Variants in HYAL4 observed in about 807,000 individuals in gnomAD.
The protein encoded by HYAL4 is hyaluronidase 4.
A neutral mutation model predicts 35.2 loss-of-function variants in HYAL4; 37 were observed. That is an observed-to-expected ratio of 1.05 (90% confidence interval 0.81 to 1.38). HYAL4 has a LOEUF of 1.38. Among genes scored for constraint, HYAL4 ranks in the 40% most tolerant of loss-of-function variants. The pLI, the probability that HYAL4 is intolerant of heterozygous loss-of-function variation, is 0.00. For synonymous variants in HYAL4, 198 were observed against 203.2 expected (o/e 0.97, Z 0.22); for missense variants, 572 against 572.4 (o/e 1.00, Z 0.01).
the HYAL4 span, among the ~76,000 whole-genome samples, chr7:123,796,327 A>G: frequency 1.1e-4 from 17 of 152,212 alleles, no homozygotes; most frequent in Non-Finnish European, 1.6e-4. Flanking sequence ...CAAAATCTTT[A>G]AAGAAGAGAA....
In HYAL4 at chr7:123,869,232, G is replaced by A. The variant is rs781016681; in HGVS notation, c.954+5G>A. 4 of 1,556,970 alleles carry A rather than the reference G, an allele frequency of 2.6e-6. No individual in the cohort carries two copies. In the South Asian group the frequency reaches 4.7e-5, roughly 18 times the overall value. On this transcript the variant is annotated splice_donor_5th_base_variant and intron_variant, in intron 3 of 4. Transcript: ENST00000223026. ...CCTTTATTTTTCCTTTCTAAGGTAAGAAGCTTCTTGTCCAATGGTGGGGGA... is the reference window on the plus strand; with the variant it reads ...CCTTTATTTTTCCTTTCTAAGGTAAAAAGCTTCTTGTCCAATGGTGGGGGA...
At chr7:123,847,778 AAAT>A (rs1000886829) in intron 1 of HYAL4, among the ~76,000 whole-genome samples, 1 of 152,054 alleles carries the variant, frequency 6.6e-6, no homozygotes, top group Non-Finnish European at 1.5e-5. Context: ...ACTCCGTCTA[AAAT>A]AATAATAATA....
At chr7:123,783,488 G>T in the HYAL4 span, among the ~76,000 whole-genome samples, 1 of 152,092 alleles carries the variant, frequency 6.6e-6, no homozygotes, top group Non-Finnish European at 1.5e-5. Flanking sequence ...CATAGAGAAG[G>T]AATTACTCAG....
At position 123,876,866 on chromosome 7, in the gene HYAL4, G is replaced by A. The variant is rs1307957107; in HGVS notation, c.1157G>A (p.Arg386Lys). 2 of 1,614,080 alleles carry A rather than the reference G, an allele frequency of 1.2e-6. No homozygotes were observed. ...CTTCACCTCTGCAGGAACAATGGCA[G>A]GTGCATAAGGAAGATGTGGAACGCG... ...CSLHLCRNNG[R>K]CIRKMWNAPS... The change falls in exon 5 of 5, where the codon AGG becomes AAG. Residue 386 changes from arginine to lysine, a missense_variant. Transcript: ENST00000223026.
At chr7:123,783,913 C>T in the HYAL4 span, among the ~76,000 whole-genome samples, 4 of 152,158 alleles carry the variant, frequency 2.6e-5, no homozygotes, top group African/African-American at 9.7e-5. Flanking sequence ...TAAGTTACCA[C>T]CACATAAAAT....
intron 1 of HYAL4, among the ~76,000 whole-genome samples, chr7:123,831,643 T>G (rs1805884501): frequency 6.6e-6 from 1 of 152,202 alleles, no homozygotes; most frequent in African/African-American, 2.4e-5. Context: ...CTGTATCAAA[T>G]GTTTTGTGAT....
intron 2 of HYAL4, among the ~76,000 whole-genome samples, chr7:123,866,036 G>A (rs969194001): frequency 1.1e-4 from 17 of 152,104 alleles, no homozygotes; most frequent in Middle Eastern, 3.2e-3. Context: ...GGGAAATCTC[G>A]CCCTTGTGAT....
chr7:123,875,910 A>G, intron 4 of HYAL4: 1 of 404,020 alleles, frequency 2.5e-6, no homozygotes, highest in South Asian at 1.8e-5. Flanking sequence ...TATTATTCTC[A>G]GAATTTCACA....
chr7:123,788,545 G>C, the HYAL4 span, among the ~76,000 whole-genome samples: 217 of 152,210 alleles, frequency 1.4e-3, 1 homozygote, highest in Non-Finnish European at 2.6e-3. Flanking sequence ...CCCCTGAGAA[G>C]TCATTCTATC....
At chr7:123,874,989 C>A (rs925447865) in intron 4 of HYAL4, 139 bp downstream of exon 4, 1 of 603,766 alleles carries the variant, frequency 1.7e-6, no homozygotes, top group South Asian at 2.0e-5. Context: ...ATAGCAAAGG[C>A]TAAAAAATAT....
At position 123,877,233 on chromosome 7, in the gene HYAL4, T is replaced by C. The variant is rs1807053885; in HGVS notation, c.*78T>C. 2.9e-6 allele frequency: 4 copies of C among 1,369,076 alleles called. No homozygotes were observed. Among genetic ancestry groups the C allele is most frequent in the East Asian group, 4.6e-5 (2 of 43,386 alleles). The allele number at this position is 1,369,076 out of a possible 1,614,324, so 84.8% of individuals were successfully genotyped here. A position where few individuals can be genotyped will look rare whatever the true frequency, so the allele number is the denominator to read the frequency against. The stretch of plus-strand genomic sequence containing the variant: ...AGGATGTAACTTATAACATTTTTTT[T>C]CTCTTATGAATTCTATTGAGAGATA... On this transcript the variant is annotated 3_prime_UTR_variant, in exon 5 of 5. Transcript: ENST00000223026.
chr7:123,851,446 T>C (rs1806304049), intron 2 of HYAL4, among the ~76,000 whole-genome samples: 1 of 152,114 alleles, frequency 6.6e-6, no homozygotes, highest in Admixed American at 6.6e-5. Flanking sequence ...CCTGTGTCCA[T>C]GTGTTCTCAT....
chr7:123,839,434 C>G (rs965984274), intron 1 of HYAL4, among the ~76,000 whole-genome samples: 3 of 152,160 alleles, frequency 2.0e-5, no homozygotes, highest in African/African-American at 7.2e-5. Context: ...GTGAATAGTG[C>G]CGCAATAAAC....
chr7:123,819,537 T>A, the HYAL4 span: 1 of 152,348 alleles, frequency 6.6e-6, no homozygotes, highest in Non-Finnish European at 1.5e-5. Flanking sequence ...ATCTGCTTAC[T>A]TGACCTTAGT....
Position 123,868,628 on chromosome 7 carries a change from C to T in HYAL4, c.355C>T (p.Gln119Ter). 6.2e-7 allele frequency: 1 copy of T among 1,614,072 alleles called. No individual in the cohort carries two copies. Among genetic ancestry groups the T allele is most frequent in the Non-Finnish European group, 8.5e-7 (1 of 1,179,994 alleles). ...NGGLPQNISL[Q>*]VHLEKADQDI... The stretch of plus-strand genomic sequence containing the variant: ...AGGTCTCCCACAGAACATAAGTTTA[C>T]AAGTACATCTGGAAAAAGCTGACCA... Residue 119 changes from glutamine (Q) to a stop codon, truncating the protein, a stop_gained, in exon 3 of 5, where the codon CAA becomes TAA. Coordinates refer to ENST00000223026, the MANE Select transcript of HYAL4 (RefSeq NM_012269.3). LOFTEE classifies it high-confidence loss of function.
intron 3 of HYAL4, 152 bp downstream of exon 3, chr7:123,869,379 CTT>C: frequency 1.7e-6 from 1 of 605,180 alleles, no homozygotes; most frequent in Non-Finnish European, 2.8e-6. Flanking sequence ...CATTTAGACT[CTT>C]CATTTATGGA....
At chr7:123,812,286 A>G in the HYAL4 span, among the ~76,000 whole-genome samples, 9 of 152,318 alleles carry the variant, frequency 5.9e-5, no homozygotes, top group African/African-American at 2.2e-4. Flanking sequence ...ATTAGTATAT[A>G]TATTTTATAA....
the HYAL4 span, among the ~76,000 whole-genome samples, chr7:123,802,868 C>T: frequency 6.6e-6 from 1 of 152,170 alleles, no homozygotes; most frequent in South Asian, 2.1e-4. Flanking sequence ...TACTATATTA[C>T]ACTACTGTGT....
chr7:123,852,939 A>G (rs923233673), intron 2 of HYAL4, among the ~76,000 whole-genome samples: 2 of 152,078 alleles, frequency 1.3e-5, no homozygotes, highest in African/African-American at 4.8e-5. Context: ...TTCTCCTTGA[A>G]GAGGTCCTTC....
Sources: gnomAD v4.1 joint callset for allele counts (sites outside exome capture counted in the v4.1 genomes callset) on GRCh38, gnomAD v4.1.1 for gene constraint, MANE v1.5 for transcripts, NCBI Gene and HGNC (gene_info 2026-07-23, HGNC 2026-07-21) for gene names.